TMEM8B: variants seen among roughly 807,000 people sequenced by gnomAD.
TMEM8B encodes transmembrane protein 8B, also known as nasopharyngeal carcinoma expressed 6.
In TMEM8B, 29 loss-of-function variants were observed where a neutral mutation model predicts 49.3. The ratio of observed to expected loss-of-function variants is 0.59; its 90% confidence interval spans 0.44 to 0.80. TMEM8B has a LOEUF of 0.80. TMEM8B is among the 30% of genes least tolerant of loss of function. TMEM8B has a pLI of 0.00. For missense variants in TMEM8B, 575 were observed against 658.5 expected (o/e 0.87, Z 1.39); for synonymous variants, 264 against 272.8 (o/e 0.97, Z 0.32).
rs1832721008 is a variant in TMEM8B at position 35,865,387 on chromosome 9, C to A, written c.*11547C>A. On this transcript the variant is annotated 3_prime_UTR_variant, in exon 13 of 13. Coordinates refer to ENST00000643932, the MANE Select transcript of TMEM8B (RefSeq NM_001042590.4). ...ATCAGGCATCTGTTTTTACAGATTT[C>A]TTTATTCCTGTTCCCTCCCCTCCCC... 6.6e-6 allele frequency: 1 copy of A among 152,154 alleles called. No individual in the cohort carries two copies. The highest frequency in any genetic ancestry group is 2.4e-5 in the African/African-American group (1 of 41,432). The allele number at this position is 152,154 out of a possible 1,614,324, so 9.4% of individuals were successfully genotyped here.
At chr9:35,834,031 TACACACACACAC>T (rs377460934) in intron 1 of TMEM8B, among the ~76,000 whole-genome samples, 54 of 138,408 alleles carry the variant, frequency 3.9e-4, no homozygotes, top group African/African-American at 4.3e-4. Context: ...CATGCCAAAA[TACACACACACAC>T]ACACACACAC....
In TMEM8B at chr9:35,842,449, C is replaced by A; in HGVS notation, c.1367C>A (p.Pro456His). 2 of 1,577,136 alleles carry A rather than the reference C, an allele frequency of 1.3e-6. No individual in the cohort carries two copies. Among genetic ancestry groups the A allele is most frequent in the South Asian group, 1.2e-5 (1 of 84,418 alleles). Reference sequence around the variant, plus strand: ...GTCCCTGGAGCTGCCATGAACATGCCCCAGTCCCTGGGCAACCAGCCACTG... The same window carrying A: ...GTCCCTGGAGCTGCCATGAACATGCACCAGTCCCTGGGCAACCAGCCACTG... Reference protein sequence around the residue: ...ALVPGAAMNMPQSLGNQPLPP... With the variant: ...ALVPGAAMNMHQSLGNQPLPP... Residue 456 changes from proline (P) to histidine (H), a missense_variant, in exon 6 of 13, where the codon CCC becomes CAC. Coordinates refer to ENST00000643932, the MANE Select transcript of TMEM8B (RefSeq NM_001042590.4). The surrounding 1 kb of genome is among the most constrained non-coding windows in gnomAD (Gnocchi z 5.6).
rs1427038237 is a variant in TMEM8B at position 35,842,816 on chromosome 9, C to G, written c.1635+99C>G. 21 of 1,321,770 alleles carry G rather than the reference C, an allele frequency of 1.6e-5. No homozygotes were observed. In the South Asian group the frequency reaches 2.9e-4, roughly 18 times the overall value. The allele number at this position is 1,321,770 out of a possible 1,614,324, so 81.9% of individuals were successfully genotyped here. A position where few individuals can be genotyped will look rare whatever the true frequency, so the allele number is the denominator to read the frequency against. On this transcript the variant is annotated intron_variant, in intron 6 of 12. Coordinates refer to ENST00000643932, the MANE Select transcript of TMEM8B (RefSeq NM_001042590.4). The surrounding 1 kb of genome is among the most constrained non-coding windows in gnomAD (Gnocchi z 5.6). ...GTTTACCTCCTCCAGGAAGCCTGTC[C>G]AGGTTGCTCCCACCCATCCTGACAA... is the stretch of plus-strand genomic sequence containing the variant.
At chr9:35,848,340 C>G (rs575327101) in intron 10 of TMEM8B, among the ~76,000 whole-genome samples, 2 of 152,300 alleles carry the variant, frequency 1.3e-5, no homozygotes, top group Non-Finnish European at 2.9e-5. Flanking sequence ...TTTCGTATTG[C>G]CAGATGCCCT....
At chr9:35,834,063 CA>C (rs1830192498) in intron 1 of TMEM8B, among the ~76,000 whole-genome samples, 1 of 151,602 alleles carries the variant, frequency 6.6e-6, no homozygotes, top group Non-Finnish European at 1.5e-5. Flanking sequence ...CACACACACA[CA>C]CACACACCTT....
At chr9:35,847,899 C>T (rs1408007913) in intron 10 of TMEM8B, among the ~76,000 whole-genome samples, 3 of 152,300 alleles carry the variant, frequency 2.0e-5, no homozygotes, top group South Asian at 2.1e-4. Context: ...CTTTTTACCC[C>T]TGAAGTGTCA....
At chr9:35,851,550 T>C (rs967890237) in intron 10 of TMEM8B, among the ~76,000 whole-genome samples, 2 of 152,228 alleles carry the variant, frequency 1.3e-5, no homozygotes, top group Non-Finnish European at 2.9e-5. Flanking sequence ...GAGGGAACCA[T>C]GTCCCCAAAA....
chr9:35,839,836 C>G (rs952885436), intron 3 of TMEM8B, among the ~76,000 whole-genome samples: 1 of 152,184 alleles, frequency 6.6e-6, no homozygotes, highest in African/African-American at 2.4e-5. Flanking sequence ...AAGGGACCCC[C>G]TTTTTGACAC....
chr9:35,845,401 G>A, intron 6 of TMEM8B: 2 of 985,340 alleles, frequency 2.0e-6, no homozygotes, highest in Middle Eastern at 5.2e-4. Flanking sequence ...GCATCCTGTT[G>A]CCTTTATTCT....
At position 35,846,575 on chromosome 9, in the gene TMEM8B, C is replaced by A. The variant is rs746523818; in HGVS notation, c.1960C>A (p.His654Asn). 2 of 1,573,020 alleles carry A rather than the reference C, an allele frequency of 1.3e-6. No homozygotes were observed. The highest frequency in any genetic ancestry group is 2.7e-5 in the African/African-American group (2 of 73,900). ...PYGQCKLLRT[H>N]NYLYAACECK... ...CGGCCAGTGCAAGCTGCTGCGCACA[C>A]ACAATTATCTGTACGCAGCCTGCGA... The change falls in exon 9 of 13, where the codon CAC becomes AAC. Residue 654 changes from histidine to asparagine, a missense_variant. Coordinates refer to ENST00000643932, the MANE Select transcript of TMEM8B (RefSeq NM_001042590.4).
Position 35,859,259 on chromosome 9 carries a change from G to C in TMEM8B, c.*5419G>C. On this transcript the variant is annotated 3_prime_UTR_variant, in exon 13 of 13. Transcript: ENST00000643932. ...CATAAAAAACCACCACCACTGTGCG[G>C]TGGGCTGAGCAGGTGGAGAAGGCTT... The C allele has an allele frequency of 6.3e-6, 1 of 159,904 alleles. No individual in the cohort carries two copies. Among genetic ancestry groups the C allele is most frequent in the Non-Finnish European group, 1.4e-5 (1 of 71,472 alleles). 9.9% of individuals were successfully genotyped at this position (159,904 alleles called of 1,614,324 possible). A position where few individuals can be genotyped will look rare whatever the true frequency, so the allele number is the denominator to read the frequency against.
At chr9:35,846,121 G>T in intron 7 of TMEM8B, 53 bp downstream of exon 7, 1 of 1,610,786 alleles carries the variant, frequency 6.2e-7, no homozygotes, top group Non-Finnish European at 8.5e-7. Flanking sequence ...GGTGGTGGTG[G>T]CGGGCAGAGG....
At chr9:35,845,450 G>T in intron 6 of TMEM8B, 1 of 985,336 alleles carries the variant, frequency 1.0e-6, no homozygotes, top group Non-Finnish European at 1.2e-6. Flanking sequence ...CAGATATCTG[G>T]TTTCTTTTAA....
chr9:35,853,471 G>C lies in TMEM8B; in HGVS notation c.2440-34G>C, dbSNP rs1260418051. The C allele has an allele frequency of 1.3e-6, 2 of 1,588,050 alleles. No individual in the cohort carries two copies. Among genetic ancestry groups the C allele is most frequent in the Non-Finnish European group, 1.7e-6 (2 of 1,168,322 alleles). ...GCTCTGGCTTGGGTTCCAGGGCTTG[G>C]CATTCCTGAGCCCCACTTCTCTGTC... On this transcript the variant is annotated intron_variant, in intron 12 of 12. Coordinates refer to ENST00000643932, the MANE Select transcript of TMEM8B (RefSeq NM_001042590.4). This position sits in a 1 kb window ranked among gnomAD's most constrained non-coding sequence, Gnocchi z 4.2.
In TMEM8B at chr9:35,853,446, G is replaced by A. The variant is rs1832336174; in HGVS notation, c.2440-59G>A. ...TACAGAGGAAACCTGAGAGTGACCA[G>A]CTCTGGCTTGGGTTCCAGGGCTTGG... On this transcript the variant is annotated intron_variant, in intron 12 of 12. Coordinates refer to ENST00000643932, the MANE Select transcript of TMEM8B (RefSeq NM_001042590.4). The surrounding 1 kb of genome is among the most constrained non-coding windows in gnomAD (Gnocchi z 4.2). 16 of 1,567,936 alleles carry A rather than the reference G, an allele frequency of 1.0e-5. No individual in the cohort carries two copies. Among genetic ancestry groups the A allele is most frequent in the South Asian group, 4.8e-5 (4 of 84,028 alleles).
Position 35,861,358 on chromosome 9 carries a change from A to T in TMEM8B, c.*7518A>T, listed in dbSNP as rs1832651476. The T allele has an allele frequency of 1.3e-5, 2 of 152,432 alleles. No individual in the cohort carries two copies. Among genetic ancestry groups the T allele is most frequent in the African/African-American group, 4.8e-5 (2 of 41,428 alleles). The allele number at this position is 152,432 out of a possible 1,614,324, so 9.4% of individuals were successfully genotyped here. A position where few individuals can be genotyped will look rare whatever the true frequency, so the allele number is the denominator to read the frequency against. On this transcript the variant is annotated 3_prime_UTR_variant, in exon 13 of 13. Coordinates refer to ENST00000643932, the MANE Select transcript of TMEM8B (RefSeq NM_001042590.4). ...ATCCCCAGTGGGGGGTGTTCTGCCC[A>T]TTCTCCAGAGCCCAGCACTGCTCCA... is the stretch of plus-strand genomic sequence containing the variant.
rs751660745 is a variant in TMEM8B, at chr9:35,858,489, G to C, written c.*4649G>C. 4 of 152,210 alleles carry C rather than the reference G, an allele frequency of 2.6e-5. No individual in the cohort carries two copies. The highest frequency in any genetic ancestry group is 9.7e-5 in the African/African-American group (4 of 41,432). 9.4% of individuals were successfully genotyped at this position (152,210 alleles called of 1,614,324 possible). ...TTGACTCAGTATAAAGCTACCACACGTGAGCTAACCAGAGCTTTCTTGGGA... is the reference window on the plus strand; with the variant it reads ...TTGACTCAGTATAAAGCTACCACACCTGAGCTAACCAGAGCTTTCTTGGGA... On this transcript the variant is annotated 3_prime_UTR_variant, in exon 13 of 13. Transcript: ENST00000643932.
intron 3 of TMEM8B, among the ~76,000 whole-genome samples, chr9:35,836,417 G>T (rs1203593272): frequency 1.3e-5 from 2 of 152,244 alleles, no homozygotes; most frequent in Non-Finnish European, 2.9e-5. Context: ...CAACAGGGAT[G>T]TTCTTTATCC....
chr9:35,853,791 G>A lies in TMEM8B; in HGVS notation c.2726G>A (p.Gly909Asp). The A allele has an allele frequency of 6.3e-7, 1 of 1,582,048 alleles. No individual in the cohort carries two copies. The highest frequency in any genetic ancestry group is 8.6e-7 in the Non-Finnish European group (1 of 1,163,780). ...TGCATCAACGAGCAGGAGGAGCTGG[G>A]CCTCGTGGGCCCAGGAGGGGCCACT... ...QLCINEQEEL[G>D]LVGPGGATVS... The change falls in exon 13 of 13, where the codon GGC becomes GAC. Residue 909 changes from glycine to aspartate, a missense_variant. Coordinates refer to ENST00000643932, the MANE Select transcript of TMEM8B (RefSeq NM_001042590.4). This position sits in a 1 kb window ranked among gnomAD's most constrained non-coding sequence, Gnocchi z 4.2.
Sources: allele counts gnomAD v4.1 joint callset (sites outside exome capture counted in the v4.1 genomes callset), GRCh38; gene constraint gnomAD v4.1.1; non-coding constraint Gnocchi (gnomAD v3.1); transcripts MANE v1.5; gene names NCBI Gene and HGNC (gene_info 2026-07-23, HGNC 2026-07-21).